The following TEX9 variants were observed in gnomAD, a reference collection of about 807,000 sequenced individuals.
TEX9 encodes the protein testis expressed 9.
A neutral mutation model predicts 59.6 loss-of-function variants in TEX9; 74 were observed. The observed-to-expected ratio is 1.24, with a 90% confidence interval of 1.03 to 1.51. The LOEUF is 1.51. Ranked by LOEUF, TEX9 falls within the 40% of genes most tolerant of loss-of-function variation. The pLI is 0.00. For missense variants in TEX9, 522 were observed against 447.8 expected, an observed-to-expected ratio of 1.17 and a Z score of -1.49; for synonymous variants, 186 against 152.2, an observed-to-expected ratio of 1.22 and a Z score of -1.64.
At chr15:56,325,371 C>T (rs2682013) in intron 1 of TEX9, among the ~76,000 whole-genome samples, 75,101 of 151,938 alleles carry the variant, frequency 0.49, 20,011 homozygotes, top group Non-Finnish European at 0.6. Flanking sequence ...ACATGAAATA[C>T]GTGATTTAGA....
chr15:56,341,376 C>A (rs2046369606), intron 1 of TEX9, among the ~76,000 whole-genome samples: 1 of 152,166 alleles, frequency 6.6e-6, no homozygotes, highest in South Asian at 2.1e-4. Context: ...AAAGTGTTAA[C>A]AATTTTACTG....
intron 3 of TEX9, among the ~76,000 whole-genome samples, chr15:56,381,321 C>T (rs1310402359): frequency 6.6e-6 from 1 of 152,108 alleles, no homozygotes; most frequent in African/African-American, 2.4e-5. Flanking sequence ...ACTTGGGTTT[C>T]TTTGAGCTTT....
chr15:56,393,895 T>A, intron 7 of TEX9: 1 of 229,096 alleles, frequency 4.4e-6, no homozygotes, highest in South Asian at 7.9e-5. Context: ...CTTTAAATAA[T>A]CTGATGTAGT....
At chr15:56,391,853 A>G (rs1197433836) in intron 7 of TEX9, among the ~76,000 whole-genome samples, 1 of 152,164 alleles carries the variant, frequency 6.6e-6, no homozygotes, top group Non-Finnish European at 1.5e-5. Flanking sequence ...AACACATGCA[A>G]AAGGACAAAT....
rs138751910 is a variant in TEX9, at chr15:56,402,557, T to C, written c.828+7723T>C. 3.6e-3 allele frequency among the ~76,000 whole-genome samples: 551 copies of C among 152,060 alleles called. 4 individuals carry two copies. The highest frequency in any genetic ancestry group is 0.013 in the African/African-American group (526 of 41,470). On this transcript the variant is annotated intron_variant, in intron 9 of 12. Transcript: ENST00000352903. ...ATTCACAGGCGAATTCTACCAGAGG[T>C]ATAAGGAGGAGCTGGAACCATTCCT... is the stretch of plus-strand genomic sequence containing the variant.
chr15:56,446,008 C>T (rs921970003), downstream of TEX9: 1 of 151,972 alleles, frequency 6.6e-6, no homozygotes, highest in Non-Finnish European at 1.5e-5. Flanking sequence ...GCTGTGTACC[C>T]GCTAGACATT....
At chr15:56,306,222 C>T (rs2045479077) in intron 1 of TEX9, among the ~76,000 whole-genome samples, 1 of 124,952 alleles carries the variant, frequency 8.0e-6, no homozygotes, top group African/African-American at 3.0e-5. Context: ...AATAAAACTA[C>T]CAGCAATGCC....
chr15:56,438,794 G>C (rs1476992596), intron 12 of TEX9, among the ~76,000 whole-genome samples: 1 of 151,998 alleles, frequency 6.6e-6, no homozygotes, highest in African/African-American at 2.4e-5. Flanking sequence ...AAATTTACAA[G>C]AAAAAATCAA....
At chr15:56,263,734 C>T (rs964677797) in intron 1 of TEX9, among the ~76,000 whole-genome samples, 6 of 152,180 alleles carry the variant, frequency 3.9e-5, no homozygotes, top group Non-Finnish European at 8.8e-5. Flanking sequence ...CAGATCCTGA[C>T]AACTACTGAC....
chr15:56,317,638 C>A (rs937763422), intron 1 of TEX9, among the ~76,000 whole-genome samples: 3 of 152,046 alleles, frequency 2.0e-5, no homozygotes, highest in African/African-American at 7.2e-5. Context: ...TATTTGAGAT[C>A]TTTTTTTAAA....
chr15:56,448,045 C>CA (rs2140365909), downstream of TEX9, among the ~76,000 whole-genome samples: 1 of 152,290 alleles, frequency 6.6e-6, no homozygotes, highest in East Asian at 1.9e-4. Flanking sequence ...TATCTATTCA[C>CA]ATGCTGATAG....
chr15:56,366,033 A>T (rs922056041), intron 2 of TEX9: 1 of 478,868 alleles, frequency 2.1e-6, no homozygotes, highest in Admixed American at 5.3e-5. Context: ...AAGTTCATAG[A>T]GTTTACCTTG....
At chr15:56,350,889 G>C (rs1466805083) in intron 1 of TEX9, among the ~76,000 whole-genome samples, 1 of 152,176 alleles carries the variant, frequency 6.6e-6, no homozygotes, top group African/African-American at 2.4e-5. Context: ...TGTGACATAT[G>C]ATGAGTGCTT....
upstream of TEX9, among the ~76,000 whole-genome samples, chr15:56,364,168 C>A (rs1235640387): frequency 7.0e-6 from 1 of 143,328 alleles, no homozygotes; most frequent in Non-Finnish European, 1.5e-5. Flanking sequence ...TTGTTTTTTT[C>A]TTGAGATGGA....
At chr15:56,278,493 C>G (rs1011602783) in intron 1 of TEX9, among the ~76,000 whole-genome samples, 8 of 152,150 alleles carry the variant, frequency 5.3e-5, no homozygotes, top group African/African-American at 1.9e-4. Context: ...TATTTTGTCT[C>G]CCCAGCCTGG....
intron 3 of TEX9, among the ~76,000 whole-genome samples, chr15:56,382,860 C>G (rs1283989134): frequency 6.6e-6 from 1 of 152,168 alleles, no homozygotes; most frequent in Non-Finnish European, 1.5e-5. Context: ...ATAAGCAATC[C>G]TTTAGTGCCC....
At chr15:56,390,341 A>G (rs534492479) in intron 6 of TEX9, among the ~76,000 whole-genome samples, 102 of 152,180 alleles carry the variant, frequency 6.7e-4, no homozygotes, top group Non-Finnish European at 8.2e-4. Flanking sequence ...TTTAAAATAA[A>G]GAGTGTAATT....
intron 1 of TEX9, among the ~76,000 whole-genome samples, chr15:56,278,031 T>G (rs1460440469): frequency 6.6e-6 from 1 of 152,166 alleles, no homozygotes; most frequent in Non-Finnish European, 1.5e-5. Context: ...TCGTTTTTGC[T>G]CATCCTTAAA....
chr15:56,454,107 G>C, the TEX9 span, among the ~76,000 whole-genome samples: 3 of 151,818 alleles, frequency 2.0e-5, no homozygotes, highest in Non-Finnish European at 4.4e-5. Context: ...CTCTGTGAAA[G>C]AGTACTCAAC....
Sources: allele counts gnomAD v4.1 joint callset (sites outside exome capture counted in the v4.1 genomes callset), GRCh38; gene constraint gnomAD v4.1.1; transcripts MANE v1.5; gene names NCBI Gene and HGNC (gene_info 2026-07-23, HGNC 2026-07-21).